DNAH11: variants seen among roughly 807,000 people sequenced by gnomAD.
The protein encoded by DNAH11 is dynein axonemal heavy chain 11.
DNAH11 carries 442 observed loss-of-function variants against 526.0 expected under a neutral mutation model. The ratio of observed to expected loss-of-function variants is 0.84; its 90% CI spans 0.78 to 0.91. The LOEUF (loss-of-function observed/expected upper bound fraction) is 0.91. Ranked by LOEUF, DNAH11 falls within the 40% of genes least tolerant of loss-of-function variation. DNAH11 has a pLI of 0.00. For missense variants in DNAH11, 6,989 were observed against 5,448.7 expected (o/e 1.28, Z -8.90); for synonymous variants, 2,461 against 1,935.9 (o/e 1.27, Z -7.12).
rs183708836 is a variant in DNAH11 at position 21,825,937 on chromosome 7, C to T, written c.10691+7598C>T. On this transcript the variant is annotated intron_variant, in intron 65 of 81. Coordinates refer to ENST00000409508, the MANE Select transcript of DNAH11 (RefSeq NM_001277115.2). ...TGGTGCCACTGCACTCCAGCCTGGGCGAAGGAGTGAGACTCTGTCTCCAAA... is the reference window on the plus strand; with the variant it reads ...TGGTGCCACTGCACTCCAGCCTGGGTGAAGGAGTGAGACTCTGTCTCCAAA... Among the ~76,000 whole-genome samples the T allele has an allele frequency of 8.1e-3, 1,118 of 137,844 alleles. 15 individuals are homozygous for T. The highest frequency in any genetic ancestry group is 0.029 in the African/African-American group (1,039 of 36,390). The allele number at this position is 137,844 out of a possible 152,430, so 90.4% of individuals were successfully genotyped here.
intron 20 of DNAH11, among the ~76,000 whole-genome samples, chr7:21,612,178 C>G (rs573006952): frequency 6.6e-6 from 1 of 152,088 alleles, no homozygotes; most frequent in East Asian, 1.9e-4. Context: ...TCTGAGTAGT[C>G]ATATAACTAT....
At chr7:21,683,080 T>C (rs1337220980) in intron 31 of DNAH11, among the ~76,000 whole-genome samples, 2 of 152,220 alleles carry the variant, frequency 1.3e-5, no homozygotes. Flanking sequence ...ATGTCCTTTA[T>C]TTTGTACTAA....
At chr7:21,729,484 T>G (rs1785278837) in intron 45 of DNAH11, among the ~76,000 whole-genome samples, 1 of 152,236 alleles carries the variant, frequency 6.6e-6, no homozygotes, top group South Asian at 2.1e-4. Flanking sequence ...TCCTTTCTGC[T>G]TAACAGTTAC....
chr7:21,578,158 T>A (rs149483118), intron 8 of DNAH11, among the ~76,000 whole-genome samples: 1 of 152,124 alleles, frequency 6.6e-6, no homozygotes. Flanking sequence ...AAACTCACTG[T>A]CATGAGAACA....
At chr7:21,899,587 A>AGCTATAGAGGAAACAGAGTCC in intron 80 of DNAH11, 139 bp downstream of exon 80, 4 of 727,232 alleles carry the variant, frequency 5.5e-6, no homozygotes, top group Non-Finnish European at 6.8e-6. Context: ...AAGGACCAGC[A>AGCTATAGAGGAAACAGAGTCC]GCTATAGAGG....
At chr7:21,851,436 A>T in intron 66 of DNAH11, 1 of 399,194 alleles carries the variant, frequency 2.5e-6, no homozygotes, top group Non-Finnish European at 5.1e-6. Flanking sequence ...GCAGATTAAT[A>T]CATCCAGGTC....
At position 21,879,316 on chromosome 7, in the gene DNAH11, G is replaced by A. The variant is rs200878812; in HGVS notation, c.12196-1386G>A. 4.7e-4 allele frequency among the ~76,000 whole-genome samples: 71 copies of A among 152,124 alleles called. 1 individual carries two copies. In the East Asian group the frequency reaches 0.012, roughly 25 times the overall value. ...AAAAATATATACAAAAATTAGCCGG[G>A]CATGGTGGTGCATGCCTGTAGTCCC... On this transcript the variant is annotated intron_variant, in intron 74 of 81. Transcript: ENST00000409508.
rs769673243 is a variant in DNAH11, at chr7:21,739,663, C to G, written c.7904C>G (p.Pro2635Arg). 3.1e-6 allele frequency: 5 copies of G among 1,611,432 alleles called. No homozygotes were observed. The South Asian group carries it at 5.5e-5, about 18-fold the overall frequency. The change falls in exon 48 of 82, where the codon CCC becomes CGC. Residue 2635 changes from proline (P) to arginine (R), a missense_variant. Pro to Arg is a moderately radical substitution (Grantham distance 103). Coordinates refer to ENST00000409508, the MANE Select transcript of DNAH11 (RefSeq NM_001277115.2). ...ATGGTGGGCAGCTTCACCATCAATC[C>G]CAGGCTACAGGTAGGGTGTTGAATA... ...NPMVGSFTIN[P>R]RLQRHFTVFA... is the part of the protein sequence containing the mutation.
At chr7:21,590,273 A>C (rs2128443307) in intron 12 of DNAH11, among the ~76,000 whole-genome samples, 1 of 152,306 alleles carries the variant, frequency 6.6e-6, no homozygotes, top group South Asian at 2.1e-4. Flanking sequence ...AACGATCTCC[A>C]AGTCTGGCAG....
At chr7:21,749,158 G>C (rs1448522263) in intron 52 of DNAH11, among the ~76,000 whole-genome samples, 1 of 152,158 alleles carries the variant, frequency 6.6e-6, no homozygotes, top group African/African-American at 2.4e-5. Context: ...GAAGATGCAA[G>C]AGGAATAACA....
chr7:21,818,190 T>C, intron 64 of DNAH11, 27 bp from the exon 65 acceptor site: 5 of 1,593,926 alleles, frequency 3.1e-6, no homozygotes, highest in Non-Finnish European at 4.3e-6. Flanking sequence ...TTACATTTTA[T>C]TATCTCAAAT....
intron 14 of DNAH11, among the ~76,000 whole-genome samples, chr7:21,593,853 T>G (rs1326211411): frequency 6.6e-6 from 1 of 151,998 alleles, no homozygotes; most frequent in African/African-American, 2.4e-5. Flanking sequence ...ATACTCTCCT[T>G]TGGGCAAGGC....
Position 21,744,523 on chromosome 7 carries a change from G to C in DNAH11, c.8240G>C (p.Gly2747Ala), listed in dbSNP as rs1487509841. 1 of 1,613,832 alleles carries C rather than the reference G, an allele frequency of 6.2e-7. No individual in the cohort carries two copies. The highest frequency in any genetic ancestry group is 8.5e-7 in the Non-Finnish European group (1 of 1,179,826). ...CTTCATGAATCTGCCCGTGTTTATG[G>C]AGACAAACTGATAGACAAAAAAGAT... ...LWLHESARVY[G>A]DKLIDKKDCD... Residue 2747 changes from glycine to alanine, a missense_variant, in exon 50 of 82, where the codon GGA becomes GCA. Physicochemically the swap from Gly to Ala is moderately conservative, Grantham distance 60 (BLOSUM62 0). Coordinates refer to ENST00000409508, the MANE Select transcript of DNAH11 (RefSeq NM_001277115.2).
intron 54 of DNAH11, among the ~76,000 whole-genome samples, chr7:21,764,864 A>AT (rs1014875343): frequency 2.6e-5 from 4 of 152,116 alleles, no homozygotes; most frequent in African/African-American, 9.7e-5. Context: ...GTTTAAACTG[A>AT]TTTTTTTTCT....
chr7:21,615,071 TTCTC>T, intron 20 of DNAH11, 39 bp from the exon 21 acceptor site: 1 of 1,554,680 alleles, frequency 6.4e-7, no homozygotes. Context: ...TGTCTTCTCT[TTCTC>T]TGGCAGTTTG....
chr7:21,641,775 C>A (rs1373838204), intron 28 of DNAH11, among the ~76,000 whole-genome samples: 1 of 152,206 alleles, frequency 6.6e-6, no homozygotes, highest in East Asian at 1.9e-4. Flanking sequence ...GTGTGACTTA[C>A]TGTGAATGTC....
intron 32 of DNAH11, among the ~76,000 whole-genome samples, chr7:21,686,591 T>C (rs1003966886): frequency 1.3e-5 from 2 of 152,200 alleles, no homozygotes; most frequent in African/African-American, 4.8e-5. Context: ...ATTGCCCTTT[T>C]ATATTTTCTT....
chr7:21,553,725 C>T (rs758520130), intron 2 of DNAH11, among the ~76,000 whole-genome samples: 1 of 152,170 alleles, frequency 6.6e-6, no homozygotes, highest in African/African-American at 2.4e-5. Context: ...GTGTCGAAAT[C>T]TGTCATTCGC....
At chr7:21,859,898 A>G (rs10245983) in intron 68 of DNAH11, among the ~76,000 whole-genome samples, 50,976 of 152,024 alleles carry the variant, frequency 0.34, 10,920 homozygotes, top group East Asian at 0.7. Context: ...AACGACAACA[A>G]AACACAGCAA....
Sources: allele counts gnomAD v4.1 joint callset (sites outside exome capture counted in the v4.1 genomes callset), GRCh38; gene constraint gnomAD v4.1.1; transcripts MANE v1.5; gene names NCBI Gene and HGNC (gene_info 2026-07-23, HGNC 2026-07-21).